STXBP5L: variants seen among roughly 807,000 people sequenced by gnomAD.
The protein encoded by STXBP5L is syntaxin binding protein 5L, also known as syntaxin-binding protein 5-like.
In STXBP5L, 65 loss-of-function variants were observed where a neutral mutation model predicts 144.5. The observed-to-expected ratio is 0.45, with a 90% CI of 0.37 to 0.55. STXBP5L has a LOEUF of 0.55. Among genes scored for constraint, STXBP5L ranks in the 20% least tolerant of loss-of-function variants. The pLI is 0.00. For synonymous variants in STXBP5L, 505 were observed against 469.6 expected (o/e 1.08, Z -0.97); for missense variants, 1,298 against 1,405.5 (o/e 0.92, Z 1.22).
At chr3:121,146,294 AGT>A (rs2045708540) in intron 7 of STXBP5L, among the ~76,000 whole-genome samples, 3 of 152,072 alleles carry the variant, frequency 2.0e-5, no homozygotes, top group Non-Finnish European at 4.4e-5. Context: ...AAGTAGCACA[AGT>A]ACTAATTTAC....
intron 10 of STXBP5L, among the ~76,000 whole-genome samples, chr3:121,206,990 A>C (rs192533820): frequency 5.0e-4 from 76 of 152,312 alleles, no homozygotes; most frequent in Middle Eastern, 3.4e-3. Context: ...AACATTTTAT[A>C]ATGTTTTCTT....
chr3:121,092,141 G>C (rs1041893357), intron 5 of STXBP5L, among the ~76,000 whole-genome samples: 20 of 152,092 alleles, frequency 1.3e-4, no homozygotes, highest in African/African-American at 4.6e-4. Flanking sequence ...TCTCTGTTTT[G>C]GTACCAGTAC....
At chr3:121,190,684 G>T (rs1559845300) in intron 9 of STXBP5L, among the ~76,000 whole-genome samples, 1 of 151,252 alleles carries the variant, frequency 6.6e-6, no homozygotes, top group Admixed American at 6.6e-5. Context: ...GGCGGCGGCT[G>T]CCCCCCACCT....
At chr3:121,126,828 A>G (rs1239208391) in intron 7 of STXBP5L, among the ~76,000 whole-genome samples, 1 of 152,214 alleles carries the variant, frequency 6.6e-6, no homozygotes, top group Non-Finnish European at 1.5e-5. Context: ...ATTCTAGAAG[A>G]TAATCTGATT....
intron 3 of STXBP5L, among the ~76,000 whole-genome samples, chr3:121,022,127 C>T (rs1304834755): frequency 6.6e-6 from 1 of 152,032 alleles, no homozygotes; most frequent in Non-Finnish European, 1.5e-5. Context: ...TCGTTCAAAG[C>T]TACTATGAAC....
At position 120,963,374 on chromosome 3, in the gene STXBP5L, C is replaced by A. The variant is rs184277109; in HGVS notation, c.287+8337C>A. ...GTACCAGTTTTCAAAGGGAATGCTT[C>A]CAGTTTTTGCCCATTCAGTATGATA... On this transcript the variant is annotated intron_variant, in intron 3 of 26. Coordinates refer to ENST00000471454, the MANE Select transcript of STXBP5L (RefSeq NM_001308330.2). Among the ~76,000 whole-genome samples, 290 of 152,274 alleles carry A rather than the reference C, an allele frequency of 1.9e-3. 2 individuals are homozygous for A. The highest frequency in any genetic ancestry group is 4.2e-3 in the East Asian group (22 of 5,186).
chr3:120,933,885 A>T (rs1246952723), intron 2 of STXBP5L, among the ~76,000 whole-genome samples: 6 of 152,120 alleles, frequency 3.9e-5, no homozygotes, highest in African/African-American at 1.4e-4. Flanking sequence ...CAAAGTTTTA[A>T]AAAAATCTCC....
intron 5 of STXBP5L, among the ~76,000 whole-genome samples, chr3:121,047,590 C>A (rs767032300): frequency 1.2e-4 from 19 of 152,074 alleles, no homozygotes; most frequent in Admixed American, 5.9e-4. Context: ...TGAATTGAAC[C>A]CTTTACCATT....
intron 9 of STXBP5L, among the ~76,000 whole-genome samples, chr3:121,196,965 A>C (rs2047944736): frequency 6.6e-6 from 1 of 152,140 alleles, no homozygotes; most frequent in Non-Finnish European, 1.5e-5. Flanking sequence ...TTTCAGGTGC[A>C]ACCCACTGGG....
In STXBP5L at chr3:120,962,358, A is replaced by G. The variant is rs934036216; in HGVS notation, c.287+7321A>G. Among the ~76,000 whole-genome samples the G allele has an allele frequency of 5.3e-5, 8 of 152,316 alleles. No homozygotes were observed. The South Asian group carries it at 6.2e-4, about 12-fold the overall frequency. On this transcript the variant is annotated intron_variant, in intron 3 of 26. Transcript: ENST00000471454. ...AGTCATGAATTCCTTGCCCATGCCT[A>G]TATCCTGAATGGTATTGCCTAGGTT...
At chr3:121,355,563 G>C (rs953745719) in intron 20 of STXBP5L, among the ~76,000 whole-genome samples, 3 of 152,084 alleles carry the variant, frequency 2.0e-5, no homozygotes, top group African/African-American at 7.2e-5. Flanking sequence ...TCTCTATTCT[G>C]TTTATTCTAT....
At chr3:121,092,471 T>G (rs1198463045) in intron 5 of STXBP5L, among the ~76,000 whole-genome samples, 3 of 152,194 alleles carry the variant, frequency 2.0e-5, no homozygotes, top group Non-Finnish European at 4.4e-5. Flanking sequence ...TAGTTCTCCT[T>G]GAAGAGGTCC....
chr3:121,046,666 T>C (rs567998330), intron 5 of STXBP5L, among the ~76,000 whole-genome samples: 6 of 152,280 alleles, frequency 3.9e-5, no homozygotes, highest in Admixed American at 6.5e-5. Flanking sequence ...CATAGCAGTC[T>C]CTGAGGGTTT....
Position 120,978,853 on chromosome 3 carries a change from A to G in STXBP5L, c.287+23816A>G, listed in dbSNP as rs181345289. ...CGGTATCAGCAGCGGTGGCTGCAGA[A>G]CAGCAGATTTTCGTGAACCGCGAAT... On this transcript the variant is annotated intron_variant, in intron 3 of 26. Coordinates refer to ENST00000471454, the MANE Select transcript of STXBP5L (RefSeq NM_001308330.2). Among the ~76,000 whole-genome samples, 571 of 152,304 alleles carry G rather than the reference A, an allele frequency of 3.7e-3. 1 individual carries two copies. The highest frequency in any genetic ancestry group is 6.7e-3 in the Non-Finnish European group (454 of 68,032).
At chr3:120,945,949 CAA>C (rs989661806) in intron 2 of STXBP5L, among the ~76,000 whole-genome samples, 2 of 151,532 alleles carry the variant, frequency 1.3e-5, no homozygotes, top group Non-Finnish European at 3.0e-5. Flanking sequence ...TTTGGGTCTA[CAA>C]AAAATGATTT....
At chr3:121,279,424 A>G (rs973346445) in intron 18 of STXBP5L, among the ~76,000 whole-genome samples, 1 of 151,906 alleles carries the variant, frequency 6.6e-6, no homozygotes, top group Non-Finnish European at 1.5e-5. Context: ...AAAGGCATCT[A>G]ATTACATACG....
At chr3:121,283,264 A>G (rs768706676) in intron 19 of STXBP5L, among the ~76,000 whole-genome samples, 23 of 152,026 alleles carry the variant, frequency 1.5e-4, no homozygotes, top group Non-Finnish European at 3.2e-4. Flanking sequence ...CTTATCAGTA[A>G]TAAAACCTAA....
chr3:120,982,568 G>A (rs752462428), intron 3 of STXBP5L, among the ~76,000 whole-genome samples: 1 of 152,202 alleles, frequency 6.6e-6, no homozygotes. Flanking sequence ...GTGTAACTGA[G>A]GGCTGCAGAA....
chr3:121,348,567 G>T (rs972228708), intron 20 of STXBP5L, among the ~76,000 whole-genome samples: 1 of 152,082 alleles, frequency 6.6e-6, no homozygotes, highest in South Asian at 2.1e-4. Context: ...GTAGAATTCA[G>T]CTGTGAATCC....
Sources: allele counts gnomAD v4.1 joint callset (sites outside exome capture counted in the v4.1 genomes callset), GRCh38; gene constraint gnomAD v4.1.1; transcripts MANE v1.5; gene names NCBI Gene and HGNC (gene_info 2026-07-23, HGNC 2026-07-21).